MIPEP: variants seen among roughly 807,000 people sequenced by gnomAD.
The protein encoded by MIPEP is mitochondrial intermediate peptidase.
MIPEP carries 79 observed loss-of-function variants against 90.3 expected under a neutral mutation model. The observed-to-expected ratio is 0.87, with a 90% CI of 0.73 to 1.05. MIPEP has a LOEUF of 1.05. MIPEP is among the 50% of genes least tolerant of loss of function. The pLI is 0.00. For synonymous variants in MIPEP, 334 were observed against 315.8 expected (o/e 1.06, Z -0.61); for missense variants, 940 against 905.6 (o/e 1.04, Z -0.49).
chr13:23,742,555 G>A (rs961312708), intron 18 of MIPEP, among the ~76,000 whole-genome samples: 1 of 152,130 alleles, frequency 6.6e-6, no homozygotes, highest in Non-Finnish European at 1.5e-5. Context: ...AATCAGACCC[G>A]AAGATTTATG....
intron 16 of MIPEP, among the ~76,000 whole-genome samples, chr13:23,803,823 A>C (rs1953075645): frequency 6.6e-6 from 1 of 152,252 alleles, no homozygotes; most frequent in African/African-American, 2.4e-5. Flanking sequence ...TAGGAAGAGT[A>C]GGCTATCTGT....
At chr13:23,770,390 C>A (rs183565599) in intron 16 of MIPEP, among the ~76,000 whole-genome samples, 2 of 152,282 alleles carry the variant, frequency 1.3e-5, no homozygotes, top group East Asian at 3.9e-4. Flanking sequence ...TTAAATTACG[C>A]TTCTTCAACA....
In MIPEP at chr13:23,845,303, CTGTTG is replaced by C. The variant is rs1172192706; in HGVS notation, c.1107-3820_1107-3816del. 2.0e-5 allele frequency among the ~76,000 whole-genome samples: 3 copies of C among 152,200 alleles called. No homozygotes were observed. In the East Asian group the frequency reaches 5.8e-4, roughly 29 times the overall value. On this transcript the variant is annotated intron_variant, in intron 10 of 18. Transcript: ENST00000382172. ...TGACAAAGCTCATTTCATGCATCTCCTGTTGTGTTGTACATGAGCAGAGGAGGCAA... is the reference window on the plus strand; with the variant it reads ...TGACAAAGCTCATTTCATGCATCTCCTGTTGTACATGAGCAGAGGAGGCAA...
At chr13:23,873,917 T>C (rs1870946235) in intron 5 of MIPEP, among the ~76,000 whole-genome samples, 1 of 152,168 alleles carries the variant, frequency 6.6e-6, no homozygotes, top group South Asian at 2.1e-4. Context: ...GCTGAACCTT[T>C]AATGCCACAC....
chr13:23,760,276 C>A, intron 16 of MIPEP, 59 bp from the exon 17 acceptor site: 1 of 1,610,766 alleles, frequency 6.2e-7, no homozygotes, highest in Non-Finnish European at 8.5e-7. Flanking sequence ...TGGAGAATAT[C>A]ACATGTGAGA....
intron 18 of MIPEP, among the ~76,000 whole-genome samples, chr13:23,748,521 G>C (rs146388964): frequency 6.6e-6 from 1 of 152,172 alleles, no homozygotes; most frequent in Non-Finnish European, 1.5e-5. Context: ...CAGGGGAAAC[G>C]AAGAGACTCT....
rs11841282 is a variant in MIPEP, at chr13:23,814,562, C to T, written c.1654-4638G>A. ...AGGTGTGAGCCACCACGCCTGGTCC[C>T]ATACTTATTAAAAATTAAAAAGAAT... is the stretch of plus-strand genomic sequence containing the variant. On this transcript the variant is annotated intron_variant, in intron 14 of 18. Coordinates refer to ENST00000382172, the MANE Select transcript of MIPEP (RefSeq NM_005932.4). Among the ~76,000 whole-genome samples the T allele has an allele frequency of 9.2e-3, 1,406 of 152,228 alleles. 23 individuals are homozygous for T. Among genetic ancestry groups the T allele is most frequent in the African/African-American group, 0.033 (1,364 of 41,538 alleles).
intron 17 of MIPEP, chr13:23,756,925 A>G (rs1271905667): frequency 1.3e-5 from 4 of 313,850 alleles, no homozygotes; most frequent in East Asian, 1.4e-4. Context: ...GCTGTCCCCA[A>G]TCTTTCTGGC....
At chr13:23,743,106 T>C (rs1952348879) in intron 18 of MIPEP, among the ~76,000 whole-genome samples, 1 of 152,228 alleles carries the variant, frequency 6.6e-6, no homozygotes, top group Non-Finnish European at 1.5e-5. Flanking sequence ...AAGCAGATTA[T>C]CTAAACAGAT....
At chr13:23,781,508 T>C (rs1952781940) in intron 16 of MIPEP, among the ~76,000 whole-genome samples, 1 of 152,142 alleles carries the variant, frequency 6.6e-6, no homozygotes, top group African/African-American at 2.4e-5. Context: ...ACATGCCAAA[T>C]TGTAAAGACC....
rs1297082520 is a variant in MIPEP, at chr13:23,841,389, T to A, written c.1206A>T (p.Leu402Phe). 4 of 1,614,150 alleles carry A rather than the reference T, an allele frequency of 2.5e-6. No homozygotes were observed. The highest frequency in any genetic ancestry group is 3.4e-6 in the Non-Finnish European group (4 of 1,180,036). ...ILLNRLLGISLYAEQPAKGEV... is the reference protein window; with the variant it reads ...ILLNRLLGISFYAEQPAKGEV... ...CTCCTTTTGCAGGCTGCTCTGCATA[T>A]AATGAAATCCCCAACAGTCTGTTAA... Residue 402 changes from leucine to phenylalanine, a missense_variant, in exon 11 of 19, where the codon TTA becomes TTT. By Grantham distance (22) the Leu-to-Phe change is conservative (BLOSUM62 0). Transcript: ENST00000382172.
At chr13:23,834,179 G>A (rs1868912428) in intron 14 of MIPEP, among the ~76,000 whole-genome samples, 1 of 152,134 alleles carries the variant, frequency 6.6e-6, no homozygotes, top group South Asian at 2.1e-4. Flanking sequence ...GCCTCTCCAG[G>A]AAGCCTCTCA....
intron 10 of MIPEP, among the ~76,000 whole-genome samples, chr13:23,856,565 C>T (rs995788177): frequency 6.6e-6 from 1 of 152,148 alleles, no homozygotes; most frequent in Non-Finnish European, 1.5e-5. Context: ...GAAGGGGGTG[C>T]TAACTTCCCG....
chr13:23,810,661 A>G (rs1279272456), intron 14 of MIPEP, among the ~76,000 whole-genome samples: 1 of 152,226 alleles, frequency 6.6e-6, no homozygotes, highest in African/African-American at 2.4e-5. Context: ...AAGCCCCTCT[A>G]AAGAGAAACA....
intron 18 of MIPEP, chr13:23,747,517 C>G: frequency 2.0e-6 from 1 of 504,952 alleles, no homozygotes; most frequent in South Asian, 1.5e-5. Flanking sequence ...GTGTCTAAAA[C>G]ACCGTGACAG....
intron 7 of MIPEP, among the ~76,000 whole-genome samples, chr13:23,864,632 A>G (rs1870450038): frequency 6.7e-6 from 1 of 150,132 alleles, no homozygotes; most frequent in Admixed American, 6.7e-5. Context: ...GCTACTTGGG[A>G]GGCTAAGGCA....
At chr13:23,768,407 TAAGTA>T (rs953690933) in intron 16 of MIPEP, among the ~76,000 whole-genome samples, 1 of 152,172 alleles carries the variant, frequency 6.6e-6, no homozygotes, top group Non-Finnish European at 1.5e-5. Flanking sequence ...CAAGCTATGT[TAAGTA>T]AATACTATAG....
chr13:23,784,750 G>T (rs1952819245), intron 16 of MIPEP, among the ~76,000 whole-genome samples: 1 of 152,166 alleles, frequency 6.6e-6, no homozygotes, highest in Non-Finnish European at 1.5e-5. Flanking sequence ...CTGACAAAGG[G>T]CTAATATCTA....
At chr13:23,841,142 T>C (rs1388836950) in intron 11 of MIPEP, among the ~76,000 whole-genome samples, 193 bp downstream of exon 11, 1 of 152,242 alleles carries the variant, frequency 6.6e-6, no homozygotes, top group African/African-American at 2.4e-5. Flanking sequence ...AAAACTCTGC[T>C]GTTTTATGTT....
Sources: allele counts gnomAD v4.1 joint callset (sites outside exome capture counted in the v4.1 genomes callset), GRCh38; gene constraint gnomAD v4.1.1; transcripts MANE v1.5; gene names NCBI Gene and HGNC (gene_info 2026-07-23, HGNC 2026-07-21).